TMEM116: variants seen among roughly 807,000 people sequenced by gnomAD.
TMEM116 encodes the protein transmembrane protein 116.
A neutral mutation model predicts 44.3 loss-of-function variants in TMEM116; 38 were observed. The observed-to-expected ratio is 0.86, with a 90% CI of 0.66 to 1.12. The LOEUF (loss-of-function observed/expected upper bound fraction) is 1.12, where lower values mean the gene tolerates loss of function less well. Among genes scored for constraint, TMEM116 ranks in the 50% most tolerant of loss-of-function variants. The pLI is 0.00. For missense variants in TMEM116, 354 were observed against 401.7 expected, an observed-to-expected ratio of 0.88 and a Z score of 1.01; for synonymous variants, 132 against 144.8, an observed-to-expected ratio of 0.91 and a Z score of 0.64.
chr12:111,994,204 T>G (rs1469926023), intron 3 of TMEM116, among the ~76,000 whole-genome samples: 1 of 152,160 alleles, frequency 6.6e-6, no homozygotes, highest in East Asian at 1.9e-4. Flanking sequence ...GTCAAGAGTT[T>G]CAAATTTACT....
chr12:111,984,210 C>T (rs1174576253), intron 4 of TMEM116, among the ~76,000 whole-genome samples: 4 of 151,960 alleles, frequency 2.6e-5, no homozygotes, highest in Middle Eastern at 3.2e-3. Context: ...AAGGCCAGTA[C>T]ATATACACAC....
intron 4 of TMEM116, among the ~76,000 whole-genome samples, chr12:111,973,228 C>CA (rs1316341519): frequency 2.0e-5 from 3 of 152,224 alleles, no homozygotes; most frequent in African/African-American, 4.8e-5. Context: ...TCAATAACAG[C>CA]ATGATCCACA....
chr12:111,991,632 G>A, intron 4 of TMEM116, 126 bp downstream of exon 4: 1 of 909,738 alleles, frequency 1.1e-6, no homozygotes, highest in Non-Finnish European at 1.5e-6. Context: ...AAAGATAAAA[G>A]CTATTGTTTC....
intron 4 of TMEM116, among the ~76,000 whole-genome samples, chr12:111,960,667 C>T (rs975093372): frequency 6.6e-6 from 1 of 152,026 alleles, no homozygotes. Context: ...CTTTGGGACA[C>T]AGCCAAAGCA....
chr12:111,958,485 T>C (rs879468886), intron 4 of TMEM116, among the ~76,000 whole-genome samples: 1 of 151,952 alleles, frequency 6.6e-6, no homozygotes, highest in Admixed American at 6.6e-5. Context: ...CAAAACTGGA[T>C]GGAGAATGAG....
Position 111,973,740 on chromosome 12 carries a change from C to T in TMEM116, c.210+18018G>A, listed in dbSNP as rs191477126. Among the ~76,000 whole-genome samples, 30 of 152,038 alleles carry T rather than the reference C, an allele frequency of 2.0e-4. No individual in the cohort carries two copies. In the East Asian group the frequency reaches 5.4e-3, roughly 27 times the overall value. On this transcript the variant is annotated intron_variant, in intron 4 of 10. Transcript: ENST00000552374. ...GCCGAGGCTGGAGATCACTTGAGTCCAGGAGTTTGAGACCAGCCTGGCCAA... is the reference window on the plus strand; with the variant it reads ...GCCGAGGCTGGAGATCACTTGAGTCTAGGAGTTTGAGACCAGCCTGGCCAA...
chr12:111,987,859 G>A (rs980438405), intron 4 of TMEM116, among the ~76,000 whole-genome samples: 3 of 152,124 alleles, frequency 2.0e-5, no homozygotes, highest in Non-Finnish European at 2.9e-5. Context: ...GGGATCAAAC[G>A]TATTTGTACA....
At chr12:111,975,793 T>TAAA (rs60287859) in intron 4 of TMEM116, among the ~76,000 whole-genome samples, 2 of 148,938 alleles carry the variant, frequency 1.3e-5, no homozygotes, top group East Asian at 2.0e-4. Context: ...AGGGATACTT[T>TAAA]AAAAAAAAAA....
At chr12:111,961,567 C>A (rs2074588349) in intron 4 of TMEM116, among the ~76,000 whole-genome samples, 1 of 152,160 alleles carries the variant, frequency 6.6e-6, no homozygotes, top group Non-Finnish European at 1.5e-5. Flanking sequence ...GAACCAATGG[C>A]AAACACCACA....
At chr12:112,008,787 C>T (rs2077703620) in intron 1 of TMEM116, among the ~76,000 whole-genome samples, 1 of 152,022 alleles carries the variant, frequency 6.6e-6, no homozygotes, top group African/African-American at 2.4e-5. Flanking sequence ...GCCTGACCAA[C>T]ATGGTGAAAT....
chr12:111,990,987 G>C (rs572809355), intron 4 of TMEM116, among the ~76,000 whole-genome samples: 1 of 152,100 alleles, frequency 6.6e-6, no homozygotes, highest in Non-Finnish European at 1.5e-5. Flanking sequence ...TTGGGAGGCT[G>C]AGACTGGCAG....
rs17854563 is a variant in TMEM116, at chr12:111,933,914, T to C, written c.705A>G (p.Pro235=). 1 of 1,614,088 alleles carries C rather than the reference T, an allele frequency of 6.2e-7. No individual in the cohort carries two copies. The highest frequency in any genetic ancestry group is 2.2e-5 in the East Asian group (1 of 44,880). The change falls in exon 9 of 11, where the codon CCA becomes CCG. Residue 235 remains proline (P), a synonymous_variant. Transcript: ENST00000552374. ...HIVDQRVRFY[P]VAFFCCWGPA... The stretch of plus-strand genomic sequence containing the variant: ...GGCCCCAGCAGCAAAAGAAGGCCAC[T>C]GGGTAGAAGCGCACCCGTTGGTCCA...
chr12:111,983,379 T>C (rs1331668153), intron 4 of TMEM116, among the ~76,000 whole-genome samples: 5 of 150,306 alleles, frequency 3.3e-5, no homozygotes, highest in East Asian at 1.9e-4. Flanking sequence ...GAGGCGGAGG[T>C]TGCAGTGAGC....
chr12:111,939,888 G>A (rs1593285409), intron 5 of TMEM116, among the ~76,000 whole-genome samples: 1 of 87,446 alleles, frequency 1.1e-5, no homozygotes, highest in Non-Finnish European at 2.1e-5. Flanking sequence ...CTCTGTGTGT[G>A]TGTGTGTGTG....
chr12:111,991,816 T>C lies in TMEM116; in HGVS notation c.152A>G (p.Tyr51Cys), dbSNP rs933034344. The change falls in exon 4 of 11, where the codon TAT becomes TGT. Residue 51 changes from tyrosine (Y) to cysteine (C), a missense_variant. Transcript: ENST00000552374. Reference sequence around the variant, plus strand: ...GTCCTTATTTGCTACTGAAGCTCCATAGAGAAGTGTCTCCGTGAGCCAGCA... The same window carrying C: ...GTCCTTATTTGCTACTGAAGCTCCACAGAGAAGTGTCTCCGTGAGCCAGCA... Reference protein sequence around the residue: ...GLCWLTETLLYGASVANKDII... With the variant: ...GLCWLTETLLCGASVANKDII... 5.2e-5 allele frequency: 80 copies of C among 1,535,826 alleles called. No individual in the cohort carries two copies. The highest frequency in any genetic ancestry group is 6.6e-5 in the Non-Finnish European group (76 of 1,146,664).
intron 4 of TMEM116, among the ~76,000 whole-genome samples, chr12:111,946,413 A>G (rs1222049412): frequency 6.6e-6 from 1 of 152,258 alleles, no homozygotes; most frequent in East Asian, 1.9e-4. Flanking sequence ...AACTAAAAGT[A>G]TTCCTTACAG....
chr12:112,007,568 G>A (rs917456519), intron 1 of TMEM116, among the ~76,000 whole-genome samples: 1 of 152,112 alleles, frequency 6.6e-6, no homozygotes, highest in African/African-American at 2.4e-5. Context: ...AAAATACCAG[G>A]AAATTTCTAG....
At position 111,983,165 on chromosome 12, in the gene TMEM116, C is replaced by T. The variant is rs374979956; in HGVS notation, c.210+8593G>A. On this transcript the variant is annotated intron_variant, in intron 4 of 10. Coordinates refer to ENST00000552374, the MANE Select transcript of TMEM116 (RefSeq NM_001193531.2). Reference sequence around the variant, plus strand: ...AAAAAAAATTAGCTGGGGCCAGGCACGGTGGCTCATGCCTGTAATCCCAGC... The same window carrying T: ...AAAAAAAATTAGCTGGGGCCAGGCATGGTGGCTCATGCCTGTAATCCCAGC... Among the ~76,000 whole-genome samples, 9 of 151,942 alleles carry T rather than the reference C, an allele frequency of 5.9e-5. No homozygotes were observed. The East Asian group carries it at 9.7e-4, about 16-fold the overall frequency.
At chr12:111,983,488 G>C (rs1234151716) in intron 4 of TMEM116, among the ~76,000 whole-genome samples, 1 of 151,590 alleles carries the variant, frequency 6.6e-6, no homozygotes, top group Non-Finnish European at 1.5e-5. Context: ...CATGCACTAC[G>C]CGGGGGTCTG....
Sources: allele counts gnomAD v4.1 joint callset (sites outside exome capture counted in the v4.1 genomes callset), GRCh38; gene constraint gnomAD v4.1.1; transcripts MANE v1.5; gene names NCBI Gene and HGNC (gene_info 2026-07-23, HGNC 2026-07-21).